Variants in C12orf56 observed in about 807,000 individuals in gnomAD.
The protein encoded by C12orf56 is chromosome 12 open reading frame 56, also known as uncharacterized protein C12orf56.
Under a neutral mutation model 69.9 loss-of-function variants are expected in C12orf56, and 71 were observed. That is an observed-to-expected ratio of 1.02 (90% CI 0.84 to 1.24). The LOEUF (loss-of-function observed/expected upper bound fraction) is 1.24, where lower values mean the gene tolerates loss of function less well. Among genes scored for constraint, C12orf56 ranks in the 50% most tolerant of loss-of-function variants. The pLI is 0.00. For missense variants in C12orf56, 732 were observed against 738.5 expected (o/e 0.99, Z 0.10); for synonymous variants, 276 against 274.1 (o/e 1.01, Z -0.07).
chr12:64,350,275 A>G (rs1206081239), intron 2 of C12orf56, among the ~76,000 whole-genome samples: 5 of 152,092 alleles, frequency 3.3e-5, no homozygotes, highest in Admixed American at 3.3e-4. Context: ...TATGACCACT[A>G]AAGAGCTTAC....
intron 1 of C12orf56, 27 bp downstream of exon 1, chr12:64,390,287 G>A: frequency 6.3e-7 from 1 of 1,580,398 alleles, no homozygotes; most frequent in Non-Finnish European, 8.6e-7. Context: ...GCGCTCCCGA[G>A]CCCGCCTGCC....
At chr12:64,336,445 G>A (rs532728848) in intron 2 of C12orf56, among the ~76,000 whole-genome samples, 20 of 151,932 alleles carry the variant, frequency 1.3e-4, no homozygotes, top group Non-Finnish European at 2.1e-4. Context: ...CATTATTTTC[G>A]TATGTGTTTT....
chr12:64,299,966 T>C (rs772823504), intron 6 of C12orf56, among the ~76,000 whole-genome samples: 3 of 152,194 alleles, frequency 2.0e-5, no homozygotes, highest in Non-Finnish European at 4.4e-5. Flanking sequence ...AAGTGCTTAA[T>C]AGCCACATGT....
At chr12:64,313,156 G>A (rs1054916060) in intron 4 of C12orf56, among the ~76,000 whole-genome samples, 6 of 151,270 alleles carry the variant, frequency 4.0e-5, no homozygotes, top group African/African-American at 1.5e-4. Context: ...CAGCTACTCG[G>A]GAGGCTGAGG....
rs375851479 is a variant in C12orf56 at position 64,330,959 on chromosome 12, C to G, written c.488+1G>C. On this transcript the variant is annotated splice_donor_variant, in intron 3 of 12. Coordinates refer to ENST00000543942, the MANE Select transcript of C12orf56 (RefSeq NM_001170633.2). LOFTEE classifies it high-confidence loss of function. ...ACACATACTCCAAACAACAATCTCA[C>G]CTGAGAGGAGATTCTTTCAGACTTC... 6.4e-7 allele frequency: 1 copy of G among 1,550,614 alleles called. No homozygotes were observed. The highest frequency in any genetic ancestry group is 1.2e-5 in the South Asian group (1 of 83,266).
intron 2 of C12orf56, among the ~76,000 whole-genome samples, chr12:64,345,312 C>T (rs1024419365): frequency 1.3e-5 from 2 of 152,040 alleles, no homozygotes; most frequent in Non-Finnish European, 2.9e-5. Context: ...TTGCCTCAGG[C>T]AGTGCAGGAT....
chr12:64,311,064 C>T (rs2038605390), intron 5 of C12orf56, among the ~76,000 whole-genome samples: 1 of 152,128 alleles, frequency 6.6e-6, no homozygotes, highest in Non-Finnish European at 1.5e-5. Context: ...TTTTTTATGG[C>T]TGCATAGTAT....
chr12:64,305,909 A>C (rs925693735), intron 5 of C12orf56, among the ~76,000 whole-genome samples: 2 of 152,228 alleles, frequency 1.3e-5, no homozygotes, highest in African/African-American at 4.8e-5. Context: ...GAAAAGCAAA[A>C]GCTCAGATAA....
rs1411774830 is a variant in C12orf56, at chr12:64,390,353, C to A, written c.213G>T (p.Arg71=). The part of the protein sequence containing the change: ...YLTENPPKSI[R]RVVALRDVVA... ...CGACGTCCCGCAGAGCCACTACCCGCCGGATGGACTTGGGCGGGTTCTCGG... is the reference window on the plus strand; with the variant it reads ...CGACGTCCCGCAGAGCCACTACCCGACGGATGGACTTGGGCGGGTTCTCGG... The change falls in exon 1 of 13, where the codon CGG becomes CGT. Residue 71 remains arginine (R), a synonymous_variant. Transcript: ENST00000543942. 6.2e-7 allele frequency: 1 copy of A among 1,612,496 alleles called. No homozygotes were observed. The highest frequency in any genetic ancestry group is 1.3e-5 in the African/African-American group (1 of 74,992).
At chr12:64,335,865 A>G (rs2038989925) in intron 2 of C12orf56, among the ~76,000 whole-genome samples, 1 of 152,190 alleles carries the variant, frequency 6.6e-6, no homozygotes, top group South Asian at 2.1e-4. Context: ...ATCACATGAC[A>G]AAAATATCCC....
intron 3 of C12orf56, among the ~76,000 whole-genome samples, chr12:64,330,092 G>T (rs1022911390): frequency 1.3e-5 from 2 of 152,092 alleles, no homozygotes; most frequent in Non-Finnish European, 2.9e-5. Context: ...GATCCCTGAG[G>T]ACTCGCCACA....
rs570227305 is a variant in C12orf56 at position 64,312,756 on chromosome 12, A to T, written c.895-4T>A. On this transcript the variant is annotated splice_polypyrimidine_tract_variant and splice_region_variant and intron_variant, in intron 4 of 12. Transcript: ENST00000543942. ...GATCTTGTAAAAGAGTAGCTTTCTG[A>T]AAAAGGAAAAAGTAGAAATTGTTAG... The T allele has an allele frequency of 7.2e-6, 11 of 1,528,696 alleles. No homozygotes were observed. The African/African-American group carries it at 1.4e-4, about 19-fold the overall frequency. The allele number at this position is 1,528,696 out of a possible 1,614,324, so 94.7% of individuals were successfully genotyped here.
In C12orf56 at chr12:64,390,470, C is replaced by G. The variant is rs1045132160; in HGVS notation, c.96G>C (p.Ala32=). The G allele has an allele frequency of 1.9e-6, 3 of 1,606,996 alleles. No individual in the cohort carries two copies. The highest frequency in any genetic ancestry group is 2.5e-6 in the Non-Finnish European group (3 of 1,179,676). ...RRHLPPEVYD[A]VRAYEPCIVV... The stretch of plus-strand genomic sequence containing the variant: ...CGATGCATGGCTCGTAGGCGCGGAC[C>G]GCGTCGTAGACCTCGGGCGGCAGAT... The change falls in exon 1 of 13, where the codon GCG becomes GCC. Residue 32 remains alanine, a synonymous_variant. Coordinates refer to ENST00000543942, the MANE Select transcript of C12orf56 (RefSeq NM_001170633.2).
In C12orf56 at chr12:64,390,502, G is replaced by A. The variant is rs781625732; in HGVS notation, c.64C>T (p.Arg22Trp). The change falls in exon 1 of 13, where the codon CGG becomes TGG. Residue 22 changes from arginine to tryptophan, a missense_variant. By Grantham distance (101) the Arg-to-Trp change is moderately radical (BLOSUM62 -3). Coordinates refer to ENST00000543942, the MANE Select transcript of C12orf56 (RefSeq NM_001170633.2). ...TAGACCTCGGGCGGCAGATGCCGCCGCAGGAACACATCCAGGCGGCTGTTC... is the reference window on the plus strand; with the variant it reads ...TAGACCTCGGGCGGCAGATGCCGCCACAGGAACACATCCAGGCGGCTGTTC... ...RRNSRLDVFL[R>W]RHLPPEVYDA... 1.2e-6 allele frequency: 2 copies of A among 1,601,162 alleles called. No homozygotes were observed. The highest frequency in any genetic ancestry group is 1.3e-5 in the African/African-American group (1 of 74,900).
intron 4 of C12orf56, among the ~76,000 whole-genome samples, chr12:64,316,432 T>C (rs956190632): frequency 6.6e-6 from 1 of 152,146 alleles, no homozygotes; most frequent in Non-Finnish European, 1.5e-5. Flanking sequence ...TCTTGCTTAT[T>C]GCCCAGGATG....
In C12orf56 at chr12:64,353,045, G is replaced by A. The variant is rs2039253850; in HGVS notation, c.264C>T (p.Tyr88=). ...DVVAIDLIDD[Y]PEFLSSPDRE... ...TATCTGGCGAACTCAAAAATTCCGG[G>A]TAATCATCAATCTGGAAAAAAAATT... Residue 88 remains tyrosine (Y), a synonymous_variant, in exon 2 of 13, where the codon TAC becomes TAT. Transcript: ENST00000543942. The A allele has an allele frequency of 4.3e-6, 7 of 1,609,952 alleles. No homozygotes were observed. The South Asian group carries it at 7.8e-5, about 18-fold the overall frequency.
intron 3 of C12orf56, among the ~76,000 whole-genome samples, chr12:64,326,723 G>A (rs1161298265): frequency 7.4e-6 from 1 of 135,788 alleles, no homozygotes; most frequent in Non-Finnish European, 1.6e-5. Flanking sequence ...CTGGGCGACG[G>A]AGCTAGACTC....
chr12:64,285,790 G>A (rs1334379370), intron 7 of C12orf56, among the ~76,000 whole-genome samples, 164 bp downstream of exon 7: 1 of 151,644 alleles, frequency 6.6e-6, no homozygotes, highest in Admixed American at 6.6e-5. Flanking sequence ...TCTGTCTCAA[G>A]AGAAAATAAA....
chr12:64,287,258 A>AGAAGAAGAAGAAGAAG (rs566773723), intron 6 of C12orf56, among the ~76,000 whole-genome samples: 49 of 132,272 alleles, frequency 3.7e-4, no homozygotes, highest in Middle Eastern at 4.1e-3. Flanking sequence ...AAAAAAAAAA[A>AGAAGAAGAAGAAGAAG]AAAAAGAAGA....
Sources: allele counts gnomAD v4.1 joint callset (sites outside exome capture counted in the v4.1 genomes callset), GRCh38; gene constraint gnomAD v4.1.1; transcripts MANE v1.5; gene names NCBI Gene and HGNC (gene_info 2026-07-23, HGNC 2026-07-21).